The following PRDM4 variants were observed in gnomAD, a reference collection of about 807,000 sequenced individuals.
PRDM4 encodes PR/SET domain 4.
PRDM4 carries 38 observed loss-of-function variants against 62.3 expected under a neutral mutation model. The observed-to-expected ratio is 0.61, with a 90% CI of 0.47 to 0.80. The LOEUF (loss-of-function observed/expected upper bound fraction) is 0.80, where lower values mean the gene tolerates loss of function less well. PRDM4 is among the 30% of genes least tolerant of loss of function. The probability of loss-of-function intolerance (pLI) is 0.00; values close to 1 mark genes in which losing one functional copy is unlikely to be tolerated. For missense variants in PRDM4, 858 were observed against 997.1 expected (o/e 0.86, Z 1.88); for synonymous variants, 339 against 348.2 (o/e 0.97, Z 0.30).
rs1259473746 is a variant in PRDM4, at chr12:107,742,358, C to A, written c.1482-10G>T. 2 of 1,612,974 alleles carry A rather than the reference C, an allele frequency of 1.2e-6. No homozygotes were observed. Among genetic ancestry groups the A allele is most frequent in the East Asian group, 2.2e-5 (1 of 44,836 alleles). ...CTGCTCTTCCCGGTTCCTGAGTTAT[C>A]ACATTTAATAGATCAAGCACATTAA... On this transcript the variant is annotated splice_polypyrimidine_tract_variant and intron_variant, in intron 8 of 11. Transcript: ENST00000228437.
intron 11 of PRDM4, among the ~76,000 whole-genome samples, 197 bp from the exon 12 acceptor site, chr12:107,734,719 A>C (rs1189114545): frequency 6.6e-6 from 1 of 152,162 alleles, no homozygotes; most frequent in Non-Finnish European, 1.5e-5. Context: ...CTGTTTTAGA[A>C]TACTATGTAA....
rs372418241 is a variant in PRDM4 at position 107,752,198 on chromosome 12, A to G, written c.343T>C (p.Tyr115His). The part of the protein sequence containing the change: ...FRTILPGILS[Y>H]LADRPPPQYI... ...TGTGGAGGTGGTCTGTCAGCTAAAT[A>G]AGATAAAATGCCTGAGAAAAGGAAA... The change falls in exon 5 of 12, where the codon TAT becomes CAT. Residue 115 changes from tyrosine to histidine, a missense_variant. Around this residue, in one of 3 missense-constraint regions of PRDM4, gnomAD observed 499 missense variants for 546.7 expected, o/e 0.91. Transcript: ENST00000228437. 3.8e-6 allele frequency: 6 copies of G among 1,573,654 alleles called. No homozygotes were observed. The African/African-American group carries it at 4.0e-5, about 11-fold the overall frequency.
chr12:107,760,480 T>C, intron 2 of PRDM4, 25 bp downstream of exon 2: 2 of 1,613,418 alleles, frequency 1.2e-6, no homozygotes, highest in African/African-American at 1.3e-5. Flanking sequence ...ATGTCACCAG[T>C]GCTGAAGCCC....
At position 107,751,645 on chromosome 12, in the gene PRDM4, A is replaced by G; in HGVS notation, c.896T>C (p.Val299Ala). The change falls in exon 5 of 12, where the codon GTA becomes GCA. Residue 299 changes from valine (V) to alanine (A), a missense_variant. Val to Ala is a moderately conservative substitution (Grantham distance 64). Around this residue, in one of 3 missense-constraint regions of PRDM4, gnomAD observed 499 missense variants for 546.7 expected, o/e 0.91. Transcript: ENST00000228437. ...IHTVAMSTNS[V>A]SVALSTSHNL... The stretch of plus-strand genomic sequence containing the variant: ...GTGTGAGGTAGAGAGTGCCACGCTT[A>G]CAGAGTTGGTGCTCATGGCCACAGT... 1 of 1,614,144 alleles carries G rather than the reference A, an allele frequency of 6.2e-7. No individual in the cohort carries two copies. Among genetic ancestry groups the G allele is most frequent in the South Asian group, 1.1e-5 (1 of 91,086 alleles).
At chr12:107,743,418 A>G (rs1890583796) in intron 7 of PRDM4, 136 bp from the exon 8 acceptor site, 1 of 616,744 alleles carries the variant, frequency 1.6e-6, no homozygotes, top group Non-Finnish European at 2.9e-6. Context: ...ATATATTCCT[A>G]CTTCTCCAAC....
At position 107,743,285 on chromosome 12, in the gene PRDM4, G is replaced by A. The variant is rs762913352; in HGVS notation, c.1396-3C>T. 1 of 1,603,130 alleles carries A rather than the reference G, an allele frequency of 6.2e-7. No homozygotes were observed. Among genetic ancestry groups the A allele is most frequent in the East Asian group, 2.2e-5 (1 of 44,808 alleles). ...TCTAGGACACCATTGTGGTATATCTGCCAACAGAAAGCAAGCACACATGTC... is the reference window on the plus strand; with the variant it reads ...TCTAGGACACCATTGTGGTATATCTACCAACAGAAAGCAAGCACACATGTC... On this transcript the variant is annotated splice_region_variant and splice_polypyrimidine_tract_variant and intron_variant, in intron 7 of 11. Transcript: ENST00000228437.
chr12:107,741,507 T>A (rs1310368940), intron 9 of PRDM4, among the ~76,000 whole-genome samples: 3 of 151,918 alleles, frequency 2.0e-5, no homozygotes, highest in African/African-American at 7.3e-5. Context: ...GCCAGGAGTT[T>A]AAGATCAGCC....
chr12:107,757,040 G>A (rs796182090), intron 2 of PRDM4, 75 bp from the exon 3 acceptor site: 8 of 1,482,954 alleles, frequency 5.4e-6, no homozygotes, highest in African/African-American at 1.4e-5. Flanking sequence ...TGAAGAAACT[G>A]AAACAGTGGG....
At chr12:107,754,181 T>TAA in intron 3 of PRDM4, 72 bp from the exon 4 acceptor site, 1 of 1,252,672 alleles carries the variant, frequency 8.0e-7, no homozygotes, top group Non-Finnish European at 1.1e-6. Flanking sequence ...AACCACTGGC[T>TAA]AAACTCTTAG....
intron 3 of PRDM4, chr12:107,754,936 C>T (rs762537851): frequency 4.6e-5 from 7 of 152,174 alleles, no homozygotes; most frequent in African/African-American, 9.7e-5. Context: ...ATATATGCTA[C>T]ACTTAGTGAT....
rs1024648423 is a variant in PRDM4 at position 107,755,116 on chromosome 12, G to A, written c.146-1007C>T. ...TTTTTTTTTTTTGAGACAAGGTTTT[G>A]CTATGTTGCCCAGGTTGGAGCGTAG... On this transcript the variant is annotated intron_variant, in intron 3 of 11. Coordinates refer to ENST00000228437, the MANE Select transcript of PRDM4 (RefSeq NM_012406.4). Among the ~76,000 whole-genome samples the A allele has an allele frequency of 9.9e-5, 15 of 151,922 alleles. No individual in the cohort carries two copies. In the East Asian group the frequency reaches 2.7e-3, roughly 27 times the overall value.
chr12:107,740,834 T>C (rs1593163997), intron 10 of PRDM4, 112 bp downstream of exon 10: 2 of 1,144,572 alleles, frequency 1.7e-6, no homozygotes, highest in East Asian at 4.8e-5. Context: ...CACGAAGGTT[T>C]CTTTCTCTGA....
chr12:107,740,592 G>A (rs1890485945), intron 10 of PRDM4, among the ~76,000 whole-genome samples: 1 of 152,100 alleles, frequency 6.6e-6, no homozygotes, highest in Non-Finnish European at 1.5e-5. Flanking sequence ...AATATTTATT[G>A]AGCAATAATA....
At chr12:107,753,092 C>T (rs1890948257) in intron 4 of PRDM4, among the ~76,000 whole-genome samples, 1 of 152,204 alleles carries the variant, frequency 6.6e-6, no homozygotes, top group Admixed American at 6.5e-5. Flanking sequence ...TGGTCTTGGG[C>T]AGGGCACAGT....
chr12:107,745,891 A>G (rs1566096115), intron 6 of PRDM4, among the ~76,000 whole-genome samples: 1 of 152,260 alleles, frequency 6.6e-6, no homozygotes, highest in Admixed American at 6.5e-5. Flanking sequence ...TATAATTTAC[A>G]AACATTTGAT....
Position 107,753,918 on chromosome 12 carries a change from A to T in PRDM4, c.331+6T>A. 1 of 1,609,808 alleles carries T rather than the reference A, an allele frequency of 6.2e-7. No homozygotes were observed. Among genetic ancestry groups the T allele is most frequent in the Non-Finnish European group, 8.5e-7 (1 of 1,178,466 alleles). On this transcript the variant is annotated splice_donor_region_variant and intron_variant, in intron 4 of 11. Coordinates refer to ENST00000228437, the MANE Select transcript of PRDM4 (RefSeq NM_012406.4). The stretch of plus-strand genomic sequence containing the variant: ...CTCTAACATCTCAAGTAACTGTAAC[A>T]CTTACCAGGTAGAATGGTTCTGAAA...
chr12:107,755,709 T>G (rs998734489), intron 3 of PRDM4, among the ~76,000 whole-genome samples: 11 of 152,352 alleles, frequency 7.2e-5, no homozygotes, highest in Admixed American at 3.9e-4. Flanking sequence ...CTTATCATTG[T>G]AATAATCAAT....
intron 2 of PRDM4, among the ~76,000 whole-genome samples, 158 bp downstream of exon 2, chr12:107,760,345 GAT>G (rs1286670241): frequency 6.6e-6 from 1 of 152,214 alleles, no homozygotes; most frequent in Non-Finnish European, 1.5e-5. Context: ...GGATGCATGA[GAT>G]TACATTCCAC....
chr12:107,748,480 TAC>T, intron 5 of PRDM4, among the ~76,000 whole-genome samples: 1 of 152,226 alleles, frequency 6.6e-6, no homozygotes, highest in Non-Finnish European at 1.5e-5. Flanking sequence ...ATATCCATAT[TAC>T]AGATTATTCA....
Sources: gnomAD v4.1 joint callset for allele counts (sites outside exome capture counted in the v4.1 genomes callset) on GRCh38, gnomAD v4.1.1 for gene constraint, gnomAD v4.1.1 regional missense constraint, MANE v1.5 for transcripts, NCBI Gene and HGNC (gene_info 2026-07-23, HGNC 2026-07-21) for gene names.